Variants in ESPL1 observed in about 807,000 individuals in gnomAD.
The protein encoded by ESPL1 is extra spindle pole bodies like 1, separase.
ESPL1 carries 50 observed loss-of-function variants against 217.2 expected under a neutral mutation model. That is an observed-to-expected ratio of 0.23 (90% CI 0.18 to 0.29). The LOEUF (loss-of-function observed/expected upper bound fraction) is 0.29, where lower values mean the gene tolerates loss of function less well. ESPL1 is among the 10% of genes least tolerant of loss of function. ESPL1 has a pLI of 1.00. For missense variants in ESPL1, 1,834 were observed against 2,603.0 expected (o/e 0.70, Z 6.43); for synonymous variants, 994 against 1,081.3 (o/e 0.92, Z 1.58).
At position 53,289,534 on chromosome 12, in the gene ESPL1, G is replaced by T. The variant is rs115894086; in HGVS notation, c.5053G>T (p.Gly1685Cys). 1.2e-4 allele frequency: 189 copies of T among 1,614,118 alleles called. 2 individuals carry two copies. In the African/African-American group the frequency reaches 2.3e-3, roughly 20 times the overall value. Residue 1685 changes from glycine (G) to cysteine (C), a missense_variant, in exon 22 of 31, where the codon GGC becomes TGC. Gly to Cys is a radical substitution (Grantham distance 159). Around this residue, in one of 5 missense-constraint regions of ESPL1, gnomAD observed 681 missense variants for 808.0 expected, o/e 0.84. Coordinates refer to ENST00000257934, the MANE Select transcript of ESPL1 (RefSeq NM_012291.5). ...RLFSFRALES[G>C]HFPQPEKESF... is the part of the protein sequence containing the mutation. ...CTTTTCCTTCAGGGCTTTGGAATCT[G>T]GCCACTTCCCCCAGCCTGAAAAGGA...
In ESPL1 at chr12:53,282,170, C is replaced by CAATTCT; in HGVS notation, c.2620-94_2620-93insAATTCT. Reference sequence around the variant, plus strand: ...TCTAAAATCTTTCTAATACCCAGGGCCTTCAGGGATGGGGCCACGTAATCT... The same window carrying CAATTCT: ...TCTAAAATCTTTCTAATACCCAGGGCAATTCTCTTCAGGGATGGGGCCACGTAATCT... On this transcript the variant is annotated intron_variant, in intron 13 of 30. Transcript: ENST00000257934. The surrounding 1 kb of genome is among the most constrained non-coding windows in gnomAD (Gnocchi z 4.0). 1.0e-6 allele frequency: 1 copy of CAATTCT among 979,166 alleles called. No individual in the cohort carries two copies. The highest frequency in any genetic ancestry group is 1.6e-6 in the Non-Finnish European group (1 of 625,768). 60.7% of individuals were successfully genotyped at this position (979,166 alleles called of 1,614,324 possible). A position where few individuals can be genotyped will look rare whatever the true frequency, so the allele number is the denominator to read the frequency against.
chr12:53,270,317 C>T (rs999742861), intron 3 of ESPL1, 61 bp from the exon 4 acceptor site: 3 of 1,263,652 alleles, frequency 2.4e-6, no homozygotes, highest in African/African-American at 2.9e-5. Flanking sequence ...CCGGGTCAGT[C>T]TTCAGCTTGG....
chr12:53,289,845 A>C (rs1473470440), intron 22 of ESPL1: 7 of 605,324 alleles, frequency 1.2e-5, no homozygotes, highest in Middle Eastern at 4.4e-4. Context: ...CTGTGCTAAC[A>C]TGAAACATAT....
chr12:53,288,363 G>T, intron 19 of ESPL1, 22 bp downstream of exon 19: 1 of 1,573,540 alleles, frequency 6.4e-7, no homozygotes, highest in Non-Finnish European at 8.6e-7. Context: ...AGGGTGAGGT[G>T]GAAGGTGCAT....
At chr12:53,268,628 G>C (rs1440295971) in intron 1 of ESPL1, 127 bp from the exon 2 acceptor site, 1 of 616,582 alleles carries the variant, frequency 1.6e-6, no homozygotes, top group African/African-American at 1.8e-5. Context: ...CGGCGTCCTG[G>C]CGTGGGTTTT....
At chr12:53,278,520 T>C (rs1021909431) in intron 11 of ESPL1, among the ~76,000 whole-genome samples, 6 of 150,866 alleles carry the variant, frequency 4.0e-5, no homozygotes, top group African/African-American at 1.5e-4. Flanking sequence ...AATTATTAGA[T>C]GATTTGTTAC....
chr12:53,291,369 G>A (rs1251607855), intron 25 of ESPL1, among the ~76,000 whole-genome samples: 1 of 151,594 alleles, frequency 6.6e-6, no homozygotes, highest in Non-Finnish European at 1.5e-5. Context: ...GAGGCAGGTG[G>A]GTCACAAGGT....
rs1220103559 is a variant in ESPL1, at chr12:53,286,800, AAGCTGG to A, written c.4065_4070del (p.Gln1355_Gly1357delinsHis). The A allele has an allele frequency of 6.2e-7, 1 of 1,614,122 alleles. No individual in the cohort carries two copies. The highest frequency in any genetic ancestry group is 8.5e-7 in the Non-Finnish European group (1 of 1,180,026). ...CCTAAACCCCCAGACCGGATCAGGC[AAGCTGG>A]CCCTCATGTCCCCTTCACGGTGTTT... On this transcript the variant is annotated inframe_deletion, in exon 18 of 31. Transcript: ENST00000257934. The surrounding 1 kb of genome is among the most constrained non-coding windows in gnomAD (Gnocchi z 5.3).
At position 53,286,573 on chromosome 12, in the gene ESPL1, C is replaced by A. The variant is rs770018329; in HGVS notation, c.3837C>A (p.Gly1279=). The stretch of plus-strand genomic sequence containing the variant: ...TTTGGGCCCTCACAAAACTAGGTGG[C>A]CTCAGCTGCTGTACTACCCAACTTT... ...LLIWALTKLG[G]LSCCTTQLFA... The change falls in exon 18 of 31, where the codon GGC becomes GGA. Residue 1279 remains glycine (G), a synonymous_variant. Coordinates refer to ENST00000257934, the MANE Select transcript of ESPL1 (RefSeq NM_012291.5). The surrounding 1 kb of genome is among the most constrained non-coding windows in gnomAD (Gnocchi z 5.3). 2.5e-5 allele frequency: 40 copies of A among 1,614,030 alleles called. No homozygotes were observed. In the Admixed American group the frequency reaches 6.5e-4, roughly 26 times the overall value.
At chr12:53,287,471 A>G (rs1305246782) in intron 18 of ESPL1, 1 of 151,148 alleles carries the variant, frequency 6.6e-6, no homozygotes, top group East Asian at 2.0e-4. Flanking sequence ...GGGTTCAAGC[A>G]ATTTTGCCTC....
In ESPL1 at chr12:53,272,858, G is replaced by A; in HGVS notation, c.1506+1G>A. ...TTATCCCGAGGTGCCTCCTGAGAAG[G>A]TACAAGGGAATGAGAGATGCAGGAA... On this transcript the variant is annotated splice_donor_variant, in intron 6 of 30. Coordinates refer to ENST00000257934, the MANE Select transcript of ESPL1 (RefSeq NM_012291.5). LOFTEE classifies it high-confidence loss of function. 6.2e-7 allele frequency: 1 copy of A among 1,613,572 alleles called. No individual in the cohort carries two copies. Among genetic ancestry groups the A allele is most frequent in the Non-Finnish European group, 8.5e-7 (1 of 1,179,948 alleles).
chr12:53,277,095 T>C lies in ESPL1; in HGVS notation c.1953T>C (p.Asp651=), dbSNP rs1360558293. 1 of 1,613,870 alleles carries C rather than the reference T, an allele frequency of 6.2e-7. No homozygotes were observed. The highest frequency in any genetic ancestry group is 2.2e-5 in the East Asian group (1 of 44,864). ...FTQQTNCSAL[D]AIREALQLLD... ...CTTCTCCCTGCAGCTCTGCTCTGGA[T>C]GCTATCCGGGAAGCCCTGCAGCTTC... Residue 651 remains aspartate (D), a synonymous_variant, in exon 9 of 31, where the codon GAT becomes GAC. Coordinates refer to ENST00000257934, the MANE Select transcript of ESPL1 (RefSeq NM_012291.5).
In ESPL1 at chr12:53,282,448, G is replaced by A. The variant is rs1199537358; in HGVS notation, c.2791+13G>A. On this transcript the variant is annotated intron_variant, in intron 14 of 30. Coordinates refer to ENST00000257934, the MANE Select transcript of ESPL1 (RefSeq NM_012291.5). The surrounding 1 kb of genome is among the most constrained non-coding windows in gnomAD (Gnocchi z 4.0). ...CTCTGTGCCCAAGGTGAAAGAATAG[G>A]GTGGATGGCCCCCCTTGGATGACAT... 1 of 1,613,140 alleles carries A rather than the reference G, an allele frequency of 6.2e-7. No individual in the cohort carries two copies. The highest frequency in any genetic ancestry group is 8.5e-7 in the Non-Finnish European group (1 of 1,179,254).
intron 12 of ESPL1, among the ~76,000 whole-genome samples, chr12:53,281,282 C>T (rs1173677666): frequency 5.3e-5 from 8 of 151,806 alleles, no homozygotes; most frequent in African/African-American, 1.7e-4. Context: ...GGATTACAGG[C>T]GCGTGCCACC....
At chr12:53,279,707 A>G in intron 11 of ESPL1, 25 bp from the exon 12 acceptor site, 2 of 1,613,866 alleles carry the variant, frequency 1.2e-6, no homozygotes, top group Non-Finnish European at 1.7e-6. Flanking sequence ...GGGGTGGAGT[A>G]AACTTGGCTG....
intron 25 of ESPL1, 59 bp from the exon 26 acceptor site, chr12:53,291,631 T>G (rs1944061799): frequency 6.5e-7 from 1 of 1,528,680 alleles, no homozygotes. Flanking sequence ...CTGGACTTAA[T>G]CCTTTCCCAG....
chr12:53,276,516 A>G, intron 7 of ESPL1, 104 bp from the exon 8 acceptor site: 1 of 1,304,744 alleles, frequency 7.7e-7, no homozygotes, highest in Non-Finnish European at 1.0e-6. Flanking sequence ...ATGACTGGAA[A>G]CCTACTGAGC....
chr12:53,269,761 C>T lies in ESPL1; in HGVS notation c.819C>T (p.Ser273=), dbSNP rs758940498. ...CWSRHHDKAI[S]AVEKAHSYLR... is the part of the protein sequence containing the mutation. ...GCCGCCACCATGACAAAGCCATCAG[C>T]GCAGTGGAGAAGGCTCACAGTTACC... Residue 273 remains serine, a synonymous_variant, in exon 3 of 31, where the codon AGC becomes AGT. Coordinates refer to ENST00000257934, the MANE Select transcript of ESPL1 (RefSeq NM_012291.5). The surrounding 1 kb of genome is among the most constrained non-coding windows in gnomAD (Gnocchi z 6.7). 1.5e-5 allele frequency: 24 copies of T among 1,614,142 alleles called. No individual in the cohort carries two copies. In the Middle Eastern group the frequency reaches 4.9e-4, roughly 33 times the overall value.
Position 53,286,210 on chromosome 12 carries a change from A to T in ESPL1, c.3474A>T (p.Ala1158=). 6.2e-7 allele frequency: 1 copy of T among 1,614,230 alleles called. No individual in the cohort carries two copies. Among genetic ancestry groups the T allele is most frequent in the Non-Finnish European group, 8.5e-7 (1 of 1,180,042 alleles). The part of the protein sequence containing the change: ...CSLCASPVLT[A]VCLRWVLVTA... ...TCTGCGCCAGCCCTGTCCTCACAGCAGTCTGTCTGCGCTGGGTATTGGTCA... is the reference window on the plus strand; with the variant it reads ...TCTGCGCCAGCCCTGTCCTCACAGCTGTCTGTCTGCGCTGGGTATTGGTCA... The change falls in exon 18 of 31, where the codon GCA becomes GCT. Residue 1158 remains alanine (A), a synonymous_variant. Coordinates refer to ENST00000257934, the MANE Select transcript of ESPL1 (RefSeq NM_012291.5). This position sits in a 1 kb window ranked among gnomAD's most constrained non-coding sequence, Gnocchi z 5.3.
Sources: gnomAD v4.1 joint callset for allele counts (sites outside exome capture counted in the v4.1 genomes callset) on GRCh38, gnomAD v4.1.1 for gene constraint, gnomAD v4.1.1 regional missense constraint, Gnocchi (gnomAD v3.1) non-coding constraint, MANE v1.5 for transcripts, NCBI Gene and HGNC (gene_info 2026-07-23, HGNC 2026-07-21) for gene names.